RTF2: variants seen among roughly 807,000 people sequenced by gnomAD.
The protein encoded by RTF2 is replication termination factor 2.
Under a neutral mutation model 38.0 loss-of-function variants are expected in RTF2, and 18 were observed. That is an observed-to-expected ratio of 0.47 (90% CI 0.33 to 0.70). The LOEUF is 0.70. Ranked by LOEUF, RTF2 falls within the 30% of genes least tolerant of loss-of-function variation. RTF2 has a pLI of 0.02. For synonymous variants in RTF2, 126 were observed against 137.1 expected, an observed-to-expected ratio of 0.92 and a Z score of 0.57; for missense variants, 311 against 379.6, an observed-to-expected ratio of 0.82 and a Z score of 1.50.
chr20:56,515,035 T>TAA (rs577137134), intron 6 of RTF2, among the ~76,000 whole-genome samples: 25 of 124,074 alleles, frequency 2.0e-4, no homozygotes, highest in African/African-American at 6.6e-4. Flanking sequence ...AGACTCCCTC[T>TAA]AAAAAAAAAA....
At chr20:56,482,028 C>T (rs1982552196) in intron 4 of RTF2, among the ~76,000 whole-genome samples, 2 of 152,170 alleles carry the variant, frequency 1.3e-5, no homozygotes, top group Admixed American at 1.3e-4. Flanking sequence ...GTGGCTTCCC[C>T]TGTTGTTTCT....
intron 6 of RTF2, chr20:56,516,650 C>T: frequency 2.0e-6 from 1 of 497,418 alleles, no homozygotes. Flanking sequence ...CTGTCAGCCT[C>T]ATTTAAATTT....
At chr20:56,505,209 G>A (rs1984186319) in intron 5 of RTF2, among the ~76,000 whole-genome samples, 1 of 152,056 alleles carries the variant, frequency 6.6e-6, no homozygotes, top group African/African-American at 2.4e-5. Flanking sequence ...TGTCCTTGCT[G>A]GGTGCAGTGG....
chr20:56,486,422 G>C (rs1371503796), intron 5 of RTF2, among the ~76,000 whole-genome samples: 3 of 152,188 alleles, frequency 2.0e-5, no homozygotes, highest in African/African-American at 7.2e-5. Flanking sequence ...GCCAAGGCGG[G>C]TGGATCACCT....
chr20:56,495,165 T>A, intron 5 of RTF2: 1 of 1,425,214 alleles, frequency 7.0e-7, no homozygotes, highest in Non-Finnish European at 9.7e-7. Context: ...TTGTAAAATT[T>A]GAAGCCTTTT....
At position 56,497,270 on chromosome 20, in the gene RTF2, A is replaced by G. The variant is rs1432230489; in HGVS notation, c.477+13081A>G. The G allele has an allele frequency of 2.6e-6, 4 of 1,551,718 alleles. No homozygotes were observed. In the South Asian group the frequency reaches 3.6e-5, roughly 14 times the overall value. On this transcript the variant is annotated intron_variant, in intron 5 of 8. Transcript: ENST00000357348. ...CCAGCTCCTTATGAATAGTTATAAT[A>G]TATGCCAAAGAGAAATCGCCCTCTT...
At chr20:56,495,273 G>C (rs1352682704) in intron 5 of RTF2, 2 of 1,551,458 alleles carry the variant, frequency 1.3e-6, no homozygotes, top group Non-Finnish European at 1.7e-6. Context: ...TTCCCAGCCA[G>C]CGTTTGGTGT....
chr20:56,501,396 G>C (rs1438685922), intron 5 of RTF2, among the ~76,000 whole-genome samples: 5 of 152,090 alleles, frequency 3.3e-5, no homozygotes, highest in South Asian at 4.1e-4. Flanking sequence ...AGTAAATGTA[G>C]GTGCTATTTT....
intron 1 of RTF2, among the ~76,000 whole-genome samples, chr20:56,470,299 C>T (rs1394824388): frequency 6.6e-6 from 1 of 152,140 alleles, no homozygotes; most frequent in Non-Finnish European, 1.5e-5. Context: ...TAATGAAAGG[C>T]TTGACAAGAA....
At position 56,517,134 on chromosome 20, in the gene RTF2, A is replaced by C. The variant is rs1464989273; in HGVS notation, c.675A>C (p.Thr225=). The C allele has an allele frequency of 5.0e-6, 8 of 1,614,100 alleles. No individual in the cohort carries two copies. The highest frequency in any genetic ancestry group is 2.5e-6 in the Non-Finnish European group (3 of 1,180,046). The change falls in exon 8 of 9, where the codon ACA becomes ACC. Residue 225 remains threonine (T), a synonymous_variant. Coordinates refer to ENST00000357348, the MANE Select transcript of RTF2 (RefSeq NM_016407.5). The part of the protein sequence containing the change: ...EEAPGPSKVK[T]GKPEEASLDS... The stretch of plus-strand genomic sequence containing the variant: ...CCCCAGGGCCATCAAAAGTTAAGAC[A>C]GGGAAGCCTGAAGAAGCCAGCCTTG...
chr20:56,508,670 C>A (rs1000848436), intron 5 of RTF2, among the ~76,000 whole-genome samples: 2 of 152,134 alleles, frequency 1.3e-5, no homozygotes, highest in Admixed American at 6.6e-5. Context: ...GGCATGAGAA[C>A]GGGCATATAC....
intron 6 of RTF2, chr20:56,515,626 A>T (rs1265545234): frequency 6.7e-6 from 1 of 149,204 alleles, no homozygotes; most frequent in Non-Finnish European, 1.5e-5. Context: ...ACACACACAC[A>T]CACACACACA....
intron 5 of RTF2, among the ~76,000 whole-genome samples, chr20:56,489,449 T>G (rs1024769988): frequency 6.6e-6 from 1 of 152,160 alleles, no homozygotes; most frequent in African/African-American, 2.4e-5. Flanking sequence ...TGTGCTTCTT[T>G]GTGTGACGTA....
chr20:56,518,145 G>A lies in RTF2; in HGVS notation c.801G>A (p.Arg267=). ...AGKPPCGATK[R]SIADSEESEA... is the part of the protein sequence containing the mutation. The stretch of plus-strand genomic sequence containing the variant: ...AGCCTCCGTGTGGAGCCACAAAGAG[G>A]TCCATCGCTGACAGTGAAGAATCGG... Residue 267 remains arginine, a synonymous_variant, in exon 9 of 9, where the codon AGG becomes AGA. Coordinates refer to ENST00000357348, the MANE Select transcript of RTF2 (RefSeq NM_016407.5). 3 of 1,614,086 alleles carry A rather than the reference G, an allele frequency of 1.9e-6. No individual in the cohort carries two copies. The highest frequency in any genetic ancestry group is 1.1e-5 in the South Asian group (1 of 91,056).
At chr20:56,478,049 A>G (rs985360751) in intron 4 of RTF2, among the ~76,000 whole-genome samples, 1 of 152,244 alleles carries the variant, frequency 6.6e-6, no homozygotes, top group Non-Finnish European at 1.5e-5. Flanking sequence ...ATGTCTCACT[A>G]AGCAAAAGCG....
intron 5 of RTF2, among the ~76,000 whole-genome samples, chr20:56,484,861 G>A (rs978352440): frequency 1.3e-5 from 2 of 149,790 alleles, no homozygotes; most frequent in Non-Finnish European, 3.0e-5. Flanking sequence ...TTCATTTAAC[G>A]TCATGGATGC....
intron 7 of RTF2, 58 bp downstream of exon 7, chr20:56,517,047 A>G (rs1985088289): frequency 6.2e-7 from 1 of 1,607,556 alleles, no homozygotes; most frequent in Non-Finnish European, 8.5e-7. Flanking sequence ...GCAGTCTGCT[A>G]ATATGTTCAT....
chr20:56,479,345 C>T (rs902877980), intron 4 of RTF2, among the ~76,000 whole-genome samples: 3 of 152,162 alleles, frequency 2.0e-5, no homozygotes, highest in Non-Finnish European at 2.9e-5. Flanking sequence ...GCTGCCTCAG[C>T]GTCCCGAGTA....
At chr20:56,493,656 C>CAAAAAAAA (rs57274640) in intron 5 of RTF2, among the ~76,000 whole-genome samples, 1 of 118,050 alleles carries the variant, frequency 8.5e-6, no homozygotes, top group East Asian at 2.3e-4. Context: ...GACCCTGTCT[C>CAAAAAAAA]AAAAAAAAAA....
Sources: gnomAD v4.1 joint callset for allele counts (sites outside exome capture counted in the v4.1 genomes callset) on GRCh38, gnomAD v4.1.1 for gene constraint, MANE v1.5 for transcripts, NCBI Gene and HGNC (gene_info 2026-07-23, HGNC 2026-07-21) for gene names.